Variants in PANK3 observed in about 807,000 individuals in gnomAD.
PANK3 encodes the protein pantothenate kinase 3.
A neutral mutation model predicts 39.4 loss-of-function variants in PANK3; 20 were observed. The ratio of observed to expected loss-of-function variants is 0.51; its 90% confidence interval spans 0.36 to 0.74. The LOEUF (loss-of-function observed/expected upper bound fraction) is 0.74, where lower values mean the gene tolerates loss of function less well. Ranked by LOEUF, PANK3 falls within the 30% of genes least tolerant of loss-of-function variation. PANK3 has a pLI of 0.00. For missense variants in PANK3, 265 were observed against 437.0 expected, an observed-to-expected ratio of 0.61 and a Z score of 3.51; for synonymous variants, 140 against 157.3, an observed-to-expected ratio of 0.89 and a Z score of 0.82.
intron 5 of PANK3, among the ~76,000 whole-genome samples, chr5:168,560,466 T>C (rs1759429154): frequency 6.6e-6 from 1 of 152,202 alleles, no homozygotes; most frequent in Non-Finnish European, 1.5e-5. Flanking sequence ...TTTATCCTGT[T>C]TGATGGTCTC....
chr5:168,577,585 C>A (rs1044967294), intron 1 of PANK3, among the ~76,000 whole-genome samples: 3 of 152,152 alleles, frequency 2.0e-5, no homozygotes, highest in African/African-American at 7.2e-5. Context: ...GCGATTCTCC[C>A]GCCTCGGCCT....
At position 168,569,030 on chromosome 5, in the gene PANK3, A is replaced by AATATATAT. The variant is rs766705356; in HGVS notation, c.29-40_29-33dup. 1.1e-3 allele frequency: 134 copies of AATATATAT among 120,298 alleles called. 1 individual carries two copies. Among genetic ancestry groups the AATATATAT allele is most frequent in the East Asian group, 4.5e-3 (8 of 1,774 alleles). The allele number at this position is 120,298 out of a possible 1,614,324, so 7.5% of individuals were successfully genotyped here. A position where few individuals can be genotyped will look rare whatever the true frequency, so the allele number is the denominator to read the frequency against. On this transcript the variant is annotated intron_variant, in intron 1 of 6. Transcript: ENST00000239231. ...GAGGAAAAAAAAAAAAAAAAAAAAA[A>AATATATAT]ATATATATATATATATATATCCATT... is the stretch of plus-strand genomic sequence containing the variant.
At chr5:168,576,644 A>G (rs1286540787) in intron 1 of PANK3, among the ~76,000 whole-genome samples, 63 of 152,314 alleles carry the variant, frequency 4.1e-4, no homozygotes, top group Non-Finnish European at 2.9e-5. Flanking sequence ...AATATTTTCT[A>G]ACACTTAGGT....
chr5:168,555,874 A>C lies in PANK3; in HGVS notation c.*1697T>G, dbSNP rs922057642. 1 of 152,250 alleles carries C rather than the reference A, an allele frequency of 6.6e-6. No homozygotes were observed. The highest frequency in any genetic ancestry group is 2.4e-5 in the African/African-American group (1 of 41,458). 9.4% of individuals were successfully genotyped at this position (152,250 alleles called of 1,614,324 possible). The stretch of plus-strand genomic sequence containing the variant: ...TATTGGCATCCTGCCATTTCATTGT[A>C]GTGCCTATCATTTTTCCATTGATAC... On this transcript the variant is annotated 3_prime_UTR_variant, in exon 7 of 7. Transcript: ENST00000239231.
In PANK3 at chr5:168,559,089, T is replaced by C; in HGVS notation, c.1005A>G (p.Ala335=). 1.9e-6 allele frequency: 3 copies of C among 1,609,856 alleles called. No homozygotes were observed. Among genetic ancestry groups the C allele is most frequent in the Non-Finnish European group, 2.5e-6 (3 of 1,176,874 alleles). ...CTTTTGACCAGTAATCCAGTGCATA[T>C]GCCAAAAGTTTCATTGAGAGGGTAT... The part of the protein sequence containing the change: ...RVNTLSMKLL[A]YALDYWSKGQ... Residue 335 remains alanine, a synonymous_variant, in exon 6 of 7, where the codon GCA becomes GCG. Transcript: ENST00000239231.
chr5:168,568,316 T>C (rs1759567693), intron 2 of PANK3, among the ~76,000 whole-genome samples: 1 of 152,186 alleles, frequency 6.6e-6, no homozygotes. Context: ...CATGTAAATG[T>C]AGGACAATAG....
rs1314462184 is a variant in PANK3 at position 168,565,883 on chromosome 5, ATATT to A, written c.635+126_635+129del. 7.9e-5 allele frequency: 18 copies of A among 228,170 alleles called. 1 individual carries two copies. Among genetic ancestry groups the A allele is most frequent in the East Asian group, 7.6e-4 (6 of 7,944 alleles). 14.1% of individuals were successfully genotyped at this position (228,170 alleles called of 1,614,324 possible). A position where few individuals can be genotyped will look rare whatever the true frequency, so the allele number is the denominator to read the frequency against. On this transcript the variant is annotated intron_variant, in intron 3 of 6. Coordinates refer to ENST00000239231, the MANE Select transcript of PANK3 (RefSeq NM_024594.4). Reference sequence around the variant, plus strand: ...AAAAAAAAAAAATATATATATATATATATTTTTTTTTTTTGCTGTTGTGCAAATA... The same window carrying A: ...AAAAAAAAAAAATATATATATATATATTTTTTTTTTGCTGTTGTGCAAATA...
At chr5:168,574,476 AACTTT>A (rs141883038) in intron 1 of PANK3, among the ~76,000 whole-genome samples, 1,934 of 152,322 alleles carry the variant, frequency 0.013, 41 homozygotes, top group African/African-American at 0.045. Context: ...ATGAAGCTCA[AACTTT>A]ACTTATTTGC....
At chr5:168,560,881 A>G in intron 5 of PANK3, 1 of 457,598 alleles carries the variant, frequency 2.2e-6, no homozygotes, top group Non-Finnish European at 4.7e-6. Context: ...CTCAAATATC[A>G]TGAAGAACAG....
chr5:168,565,857 T>TAAAA (rs33910263), intron 3 of PANK3, among the ~76,000 whole-genome samples, 156 bp downstream of exon 3: 1,583 of 103,926 alleles, frequency 0.015, 28 homozygotes, highest in African/African-American at 0.048. Flanking sequence ...CTCTTTCACT[T>TAAAA]AAAAAAAAAA....
rs1759329455 is a variant in PANK3, at chr5:168,555,136, C to T, written c.*2435G>A. 6.6e-6 allele frequency: 1 copy of T among 152,182 alleles called. No individual in the cohort carries two copies. Among genetic ancestry groups the T allele is most frequent in the Non-Finnish European group, 1.5e-5 (1 of 68,030 alleles). 9.4% of individuals were successfully genotyped at this position (152,182 alleles called of 1,614,324 possible). On this transcript the variant is annotated 3_prime_UTR_variant, in exon 7 of 7. Coordinates refer to ENST00000239231, the MANE Select transcript of PANK3 (RefSeq NM_024594.4). Reference sequence around the variant, plus strand: ...GTAAATAGATTTGGTTCTAATACCACAATTCCTCAAAGCTCTATGTTCTTA... The same window carrying T: ...GTAAATAGATTTGGTTCTAATACCATAATTCCTCAAAGCTCTATGTTCTTA...
rs376079175 is a variant in PANK3 at position 168,566,233 on chromosome 5, G to A, written c.415C>T (p.Leu139Phe). ...AGCAAGCCCTTTACAAGGCAGTCAA[G>A]TTCATCCAGTTTGTGCAGGTGGAGG... ...GNLHLHKLDE[L>F]DCLVKGLLYI... Residue 139 changes from leucine (L) to phenylalanine (F), a missense_variant, in exon 3 of 7, where the codon CTT becomes TTT. Physicochemically the swap from Leu to Phe is conservative, Grantham distance 22. Coordinates refer to ENST00000239231, the MANE Select transcript of PANK3 (RefSeq NM_024594.4). 8 of 1,608,434 alleles carry A rather than the reference G, an allele frequency of 5.0e-6. No homozygotes were observed. In the African/African-American group the frequency reaches 9.4e-5, roughly 19 times the overall value.
Position 168,557,529 on chromosome 5 carries a change from C to G in PANK3, c.*42G>C. On this transcript the variant is annotated 3_prime_UTR_variant, in exon 7 of 7. Transcript: ENST00000239231. Reference sequence around the variant, plus strand: ...GTAATAATGCCTCTGGTTTTAGTTCCTCTTGGATGACATTTATTAGCAGAG... The same window carrying G: ...GTAATAATGCCTCTGGTTTTAGTTCGTCTTGGATGACATTTATTAGCAGAG... 6.3e-7 allele frequency: 1 copy of G among 1,579,324 alleles called. No homozygotes were observed. The highest frequency in any genetic ancestry group is 8.7e-7 in the Non-Finnish European group (1 of 1,149,972).
At chr5:168,577,940 C>A (rs1009432653) in intron 1 of PANK3, among the ~76,000 whole-genome samples, 2 of 152,222 alleles carry the variant, frequency 1.3e-5, no homozygotes, top group East Asian at 3.8e-4. Context: ...TTTAAAGTCT[C>A]TCTATATTAC....
intron 6 of PANK3, 27 bp from the exon 7 acceptor site, chr5:168,557,648 G>A: frequency 1.3e-6 from 2 of 1,592,852 alleles, no homozygotes; most frequent in Middle Eastern, 1.7e-4. Flanking sequence ...TAACTGTTAT[G>A]TAGTACAGCT....
At position 168,555,009 on chromosome 5, in the gene PANK3, C is replaced by T. The variant is rs926534439; in HGVS notation, c.*2562G>A. 1 of 152,176 alleles carries T rather than the reference C, an allele frequency of 6.6e-6. No individual in the cohort carries two copies. The highest frequency in any genetic ancestry group is 2.4e-5 in the African/African-American group (1 of 41,428). 9.4% of individuals were successfully genotyped at this position (152,176 alleles called of 1,614,324 possible). On this transcript the variant is annotated 3_prime_UTR_variant, in exon 7 of 7. Coordinates refer to ENST00000239231, the MANE Select transcript of PANK3 (RefSeq NM_024594.4). ...CTCTTTAGCTTTTCCCATATGTAAT[C>T]TAGAGGTACTGGAATAATAAGAACA...
intron 1 of PANK3, among the ~76,000 whole-genome samples, chr5:168,578,265 G>T (rs1339811153): frequency 1.3e-5 from 2 of 152,202 alleles, no homozygotes; most frequent in African/African-American, 2.4e-5. Flanking sequence ...GTTTTCACAG[G>T]GTTTTGGCTT....
intron 3 of PANK3, among the ~76,000 whole-genome samples, chr5:168,564,568 G>A (rs1353389264): frequency 6.6e-6 from 1 of 152,028 alleles, no homozygotes; most frequent in Non-Finnish European, 1.5e-5. Context: ...GCAGCAGCTA[G>A]ACTACAATGC....
chr5:168,566,178 T>C lies in PANK3; in HGVS notation c.470A>G (p.Gln157Arg). The C allele has an allele frequency of 1.2e-6, 2 of 1,614,054 alleles. No homozygotes were observed. Among genetic ancestry groups the C allele is most frequent in the South Asian group, 1.1e-5 (1 of 91,076 alleles). The change falls in exon 3 of 7, where the codon CAA becomes CGA. Residue 157 changes from glutamine (Q) to arginine (R), a missense_variant. Gln to Arg is a conservative substitution (Grantham distance 43). Coordinates refer to ENST00000239231, the MANE Select transcript of PANK3 (RefSeq NM_024594.4). The part of the protein sequence containing the change: ...LYIDSVSFNG[Q>R]AECYYFANAS... ...ATTAGCAAAATAATAGCACTCGGCT[T>C]GTCCATTGAAACTGACAGAGTCTAT...
Sources: gnomAD v4.1 joint callset for allele counts (sites outside exome capture counted in the v4.1 genomes callset) on GRCh38, gnomAD v4.1.1 for gene constraint, MANE v1.5 for transcripts, NCBI Gene and HGNC (gene_info 2026-07-23, HGNC 2026-07-21) for gene names.